TRIM37: variants seen among roughly 807,000 people sequenced by gnomAD.
TRIM37 encodes tripartite motif containing 37, also known as E3 ubiquitin-protein ligase TRIM37.
In TRIM37, 80 loss-of-function variants were observed where a neutral mutation model predicts 129.8. The ratio of observed to expected loss-of-function variants is 0.62; its 90% CI spans 0.51 to 0.74. The LOEUF is 0.74. Among genes scored for constraint, TRIM37 ranks in the 30% least tolerant of loss-of-function variants. The probability of loss-of-function intolerance (pLI) is 0.00; values close to 1 mark genes in which losing one functional copy is unlikely to be tolerated. For missense variants in TRIM37, 1,054 were observed against 1,176.5 expected (o/e 0.90, Z 1.52); for synonymous variants, 389 against 387.1 (o/e 1.00, Z -0.06).
At chr17:59,091,423 AATAT>A (rs984404322) in intron 2 of TRIM37, 83 bp from the exon 3 acceptor site, 4 of 299,296 alleles carry the variant, frequency 1.3e-5, no homozygotes, top group South Asian at 6.9e-5. Flanking sequence ...ATTTATATAT[AATAT>A]ATATAATATT....
rs150840015 is a variant in TRIM37, at chr17:58,985,530, G to A, written c.2892-2609C>T. Among the ~76,000 whole-genome samples the A allele has an allele frequency of 4.6e-5, 7 of 152,202 alleles. No individual in the cohort carries two copies. In the East Asian group the frequency reaches 9.6e-4, roughly 21 times the overall value. ...GCATCTAACCAAGCTTTCCCCTTTCGCTTAGCCTCTTTGAGTTTCAAGCTA... is the reference window on the plus strand; with the variant it reads ...GCATCTAACCAAGCTTTCCCCTTTCACTTAGCCTCTTTGAGTTTCAAGCTA... On this transcript the variant is annotated intron_variant, in intron 24 of 24. Transcript: ENST00000393066.
chr17:59,090,396 T>G (rs1273857323), intron 3 of TRIM37, among the ~76,000 whole-genome samples: 4 of 152,152 alleles, frequency 2.6e-5, no homozygotes, highest in Non-Finnish European at 5.9e-5. Flanking sequence ...TACGCATATA[T>G]ATATATAAAT....
intron 2 of TRIM37, among the ~76,000 whole-genome samples, chr17:59,096,437 A>T (rs545955364): frequency 2.9e-4 from 44 of 151,928 alleles, no homozygotes; most frequent in Admixed American, 1.3e-3. Flanking sequence ...CTGTAATCCC[A>T]GCTACTCGGG....
At chr17:59,017,206 C>T in intron 20 of TRIM37, 90 bp downstream of exon 20, 2 of 1,500,782 alleles carry the variant, frequency 1.3e-6, no homozygotes, top group Non-Finnish European at 1.9e-6. Context: ...TTTTTGGTGC[C>T]CTTCAAGATC....
At chr17:58,967,500 A>G in the TRIM37 span, among the ~76,000 whole-genome samples, 1 of 150,042 alleles carries the variant, frequency 6.7e-6, no homozygotes, top group African/African-American at 2.5e-5. Context: ...ATTTATATAT[A>G]TGTGTATATA....
chr17:59,063,748 T>A (rs1046641211), intron 10 of TRIM37, among the ~76,000 whole-genome samples: 3 of 152,186 alleles, frequency 2.0e-5, no homozygotes, highest in Non-Finnish European at 4.4e-5. Context: ...TCTCAATGGA[T>A]TTCTTCCCAG....
rs2043108455 is a variant in TRIM37, at chr17:59,079,755, C to T, written c.615G>A (p.Met205Ile). 1 of 1,613,774 alleles carries T rather than the reference C, an allele frequency of 6.2e-7. No individual in the cohort carries two copies. The highest frequency in any genetic ancestry group is 1.3e-5 in the African/African-American group (1 of 74,912). ...CCAGCAGCATACATAAACACTTACCCATCAGTGTTATAAGCTTATTCTTCA... is the reference window on the plus strand; with the variant it reads ...CCAGCAGCATACATAAACACTTACCTATCAGTGTTATAAGCTTATTCTTCA... Reference protein sequence around the residue: ...TQLKNKLITLMGQKTSLTQET... With the variant: ...TQLKNKLITLIGQKTSLTQET... Residue 205 changes from methionine to isoleucine, a missense_variant and splice_region_variant, in exon 7 of 24, where the codon ATG becomes ATA. Physicochemically the swap from Met to Ile is conservative, Grantham distance 10. Transcript: ENST00000262294.
chr17:59,010,469 T>C (rs538129983), intron 22 of TRIM37, among the ~76,000 whole-genome samples: 1 of 152,294 alleles, frequency 6.6e-6, no homozygotes, highest in Admixed American at 6.5e-5. Context: ...AAGCATTTCA[T>C]AAATGTTGCA....
At chr17:59,031,100 G>C (rs1013909100) in intron 18 of TRIM37, among the ~76,000 whole-genome samples, 4 of 152,164 alleles carry the variant, frequency 2.6e-5, no homozygotes, top group African/African-American at 9.7e-5. Flanking sequence ...TACACCAGTA[G>C]AAGAGCTCTA....
intron 24 of TRIM37, among the ~76,000 whole-genome samples, chr17:58,986,721 C>T (rs2031853633): frequency 6.6e-6 from 1 of 152,094 alleles, no homozygotes; most frequent in South Asian, 2.1e-4. Flanking sequence ...GTTGGCCAGA[C>T]TGGTCTTGAA....
chr17:59,030,564 A>AC (rs1295799850), intron 18 of TRIM37, among the ~76,000 whole-genome samples: 1 of 152,200 alleles, frequency 6.6e-6, no homozygotes, highest in African/African-American at 2.4e-5. Context: ...TTTGAAATTC[A>AC]GATCATCTCA....
intron 13 of TRIM37, among the ~76,000 whole-genome samples, 160 bp downstream of exon 13, chr17:59,056,715 C>CCA (rs2040929335): frequency 2.5e-4 from 1 of 3,944 alleles, no homozygotes; most frequent in South Asian, 0.042. Context: ...GACTATGTCT[C>CCA]CAAAAAAAAA....
chr17:59,047,647 C>G (rs1372961479), intron 16 of TRIM37, 36 bp downstream of exon 16: 26 of 1,599,444 alleles, frequency 1.6e-5, no homozygotes, highest in Non-Finnish European at 2.1e-5. Context: ...ATAATTACCA[C>G]TTAAATGCTT....
In TRIM37 at chr17:59,015,796, G is replaced by C. The variant is rs142315375; in HGVS notation, c.2390C>G (p.Ser797Cys). 3.1e-6 allele frequency: 5 copies of C among 1,612,594 alleles called. No homozygotes were observed. In the South Asian group the frequency reaches 5.5e-5, roughly 18 times the overall value. ...GCTCCCAGACTGAGAGCTTCCTGGG[G>C]AGCCTTCAAAAAAAGGAAGATGGAA... ...KGDCQTLSEG[S>C]PGSSQSGSRH... The change falls in exon 21 of 24, where the codon TCC (serine) becomes TGC (cysteine). Residue 797 changes from serine (S) to cysteine (C), a missense_variant. By Grantham distance (112) the Ser-to-Cys change is moderately radical. This residue lies in a region of TRIM37 where 287 missense variants were observed against 274.3 expected (regional missense o/e 1.05). Coordinates refer to ENST00000262294, the MANE Select transcript of TRIM37 (RefSeq NM_015294.6).
At position 59,070,902 on chromosome 17, in the gene TRIM37, T is replaced by C; in HGVS notation, c.730A>G (p.Ile244Val). The C allele has an allele frequency of 6.2e-7, 1 of 1,613,978 alleles. No individual in the cohort carries two copies. Among genetic ancestry groups the C allele is most frequent in the Non-Finnish European group, 8.5e-7 (1 of 1,179,954 alleles). Residue 244 changes from isoleucine to valine, a missense_variant, in exon 9 of 24, where the codon ATC becomes GTC. Physicochemically the swap from Ile to Val is conservative, Grantham distance 29 (BLOSUM62 3). Around this residue, in one of 3 missense-constraint regions of TRIM37, gnomAD observed 752 missense variants for 870.8 expected, o/e 0.86. Coordinates refer to ENST00000262294, the MANE Select transcript of TRIM37 (RefSeq NM_015294.6). ...KSELISKSSE[I>V]LMMFQQVHRK... ...TGAACTTGCTGAAACATCATAAGGATCTCTGAGCTCTTAGATATCAACTCA... is the reference window on the plus strand; with the variant it reads ...TGAACTTGCTGAAACATCATAAGGACCTCTGAGCTCTTAGATATCAACTCA...
intron 17 of TRIM37, among the ~76,000 whole-genome samples, chr17:59,032,882 T>C (rs1045983295): frequency 6.6e-6 from 1 of 152,166 alleles, no homozygotes. Flanking sequence ...TTTTCTACTT[T>C]GATTAAATAA....
intron 8 of TRIM37, among the ~76,000 whole-genome samples, chr17:59,071,576 T>C (rs2042371811): frequency 6.6e-6 from 1 of 152,100 alleles, no homozygotes; most frequent in Non-Finnish European, 1.5e-5. Context: ...TGAGCCACCG[T>C]GCCCGACCAA....
intron 6 of TRIM37, among the ~76,000 whole-genome samples, chr17:59,080,649 G>A (rs2043176627): frequency 6.6e-6 from 1 of 152,104 alleles, no homozygotes; most frequent in Non-Finnish European, 1.5e-5. Flanking sequence ...AAATTAGCTG[G>A]GCGTGGTGGT....
intron 24 of TRIM37, among the ~76,000 whole-genome samples, chr17:58,991,915 C>T (rs1035096304): frequency 3.9e-5 from 6 of 151,990 alleles, no homozygotes; most frequent in South Asian, 4.1e-4. Context: ...ACCAACCACC[C>T]GGAGTTAGGT....
Sources: gnomAD v4.1 joint callset for allele counts (sites outside exome capture counted in the v4.1 genomes callset) on GRCh38, gnomAD v4.1.1 for gene constraint, gnomAD v4.1.1 regional missense constraint, MANE v1.5 for transcripts, NCBI Gene and HGNC (gene_info 2026-07-23, HGNC 2026-07-21) for gene names.